Variants in LTBP1 observed in about 807,000 individuals in gnomAD.
LTBP1 encodes the protein latent transforming growth factor beta binding protein 1.
LTBP1 carries 129 observed loss-of-function variants against 207.6 expected under a neutral mutation model. The ratio of observed to expected loss-of-function variants is 0.62; its 90% confidence interval spans 0.54 to 0.72. The LOEUF (loss-of-function observed/expected upper bound fraction) is 0.72, where lower values mean the gene tolerates loss of function less well. Among genes scored for constraint, LTBP1 ranks in the 30% least tolerant of loss-of-function variants. The pLI, the probability that LTBP1 is intolerant of heterozygous loss-of-function variation, is 0.00. For missense variants in LTBP1, 2,281 were observed against 2,217.2 expected, an observed-to-expected ratio of 1.03 and a Z score of -0.58; for synonymous variants, 963 against 833.7, an observed-to-expected ratio of 1.16 and a Z score of -2.67.
chr2:33,219,234 A>C (rs1465890176), intron 8 of LTBP1, among the ~76,000 whole-genome samples: 1 of 152,144 alleles, frequency 6.6e-6, no homozygotes, highest in African/African-American at 2.4e-5. Flanking sequence ...AAATAAGGAC[A>C]TTTTCAGTAC....
At chr2:33,104,310 C>A (rs1282816943) in intron 3 of LTBP1, among the ~76,000 whole-genome samples, 2 of 152,124 alleles carry the variant, frequency 1.3e-5, no homozygotes, top group East Asian at 3.9e-4. Flanking sequence ...GATGGCCAGC[C>A]ACACCCCAGC....
intron 3 of LTBP1, among the ~76,000 whole-genome samples, chr2:33,072,899 C>T (rs1026794973): frequency 4.6e-5 from 7 of 152,168 alleles, no homozygotes; most frequent in East Asian, 1.9e-4. Flanking sequence ...GGTCTACCAC[C>T]ACTTCAGAGG....
intron 3 of LTBP1, among the ~76,000 whole-genome samples, chr2:33,090,416 A>G (rs2079012633): frequency 1.3e-5 from 2 of 152,070 alleles, no homozygotes; most frequent in African/African-American, 2.4e-5. Context: ...CGCTTGTGAC[A>G]TTGCTCTTAA....
intron 3 of LTBP1, among the ~76,000 whole-genome samples, chr2:33,088,440 A>C (rs2078881324): frequency 6.6e-6 from 1 of 152,092 alleles, no homozygotes; most frequent in Non-Finnish European, 1.5e-5. Flanking sequence ...CGACAGGGCG[A>C]GACTCCATCT....
At position 33,110,689 on chromosome 2, in the gene LTBP1, A is replaced by C. The variant is rs1361083976; in HGVS notation, c.971A>C (p.Gln324Pro). 2 of 1,614,218 alleles carry C rather than the reference A, an allele frequency of 1.2e-6. No homozygotes were observed. Among genetic ancestry groups the C allele is most frequent in the Admixed American group, 1.7e-5 (1 of 60,030 alleles). Reference protein sequence around the residue: ...FPAQKGISGEQSTEGSFPLRY... With the variant: ...FPAQKGISGEPSTEGSFPLRY... ...GCCCAGAAGGGGATTTCAGGAGAGCAGTCCACTGAAGGTTCTTTCCCTTTA... is the reference window on the plus strand; with the variant it reads ...GCCCAGAAGGGGATTTCAGGAGAGCCGTCCACTGAAGGTTCTTTCCCTTTA... The change falls in exon 4 of 34, where the codon CAG (glutamine) becomes CCG (proline). Residue 324 changes from glutamine (Q) to proline (P), a missense_variant. Physicochemically the swap from Gln to Pro is moderately conservative, Grantham distance 76. Coordinates refer to ENST00000404816, the MANE Select transcript of LTBP1 (RefSeq NM_206943.4).
chr2:32,978,372 T>A (rs989137972), intron 2 of LTBP1, among the ~76,000 whole-genome samples: 6 of 152,154 alleles, frequency 3.9e-5, no homozygotes, highest in Non-Finnish European at 8.8e-5. Context: ...TCAGGTATGT[T>A]TTTTTCTATA....
chr2:33,211,705 C>T lies in LTBP1; in HGVS notation c.1702-5847C>T, dbSNP rs551398532. On this transcript the variant is annotated intron_variant, in intron 7 of 33. Coordinates refer to ENST00000404816, the MANE Select transcript of LTBP1 (RefSeq NM_206943.4). ...ACTATAGGTACCAGCGATTTTAATACGTGAAAATTAAATCTTATAAAACCT... is the reference window on the plus strand; with the variant it reads ...ACTATAGGTACCAGCGATTTTAATATGTGAAAATTAAATCTTATAAAACCT... 7.5e-4 allele frequency among the ~76,000 whole-genome samples: 114 copies of T among 152,324 alleles called. 1 individual carries two copies. The highest frequency in any genetic ancestry group is 2.5e-3 in the African/African-American group (104 of 41,576).
chr2:33,377,226 G>T (rs2095151899), intron 31 of LTBP1, among the ~76,000 whole-genome samples: 1 of 152,196 alleles, frequency 6.6e-6, no homozygotes, highest in Admixed American at 6.5e-5. Context: ...CAAATCCCTG[G>T]ATTGCGGGTG....
chr2:33,189,190 T>TATTGATTG (rs77025991), intron 7 of LTBP1, among the ~76,000 whole-genome samples: 38 of 151,070 alleles, frequency 2.5e-4, no homozygotes, highest in African/African-American at 4.6e-4. Flanking sequence ...TTTATTTGTT[T>TATTGATTG]ATTGATTGAT....
intron 2 of LTBP1, among the ~76,000 whole-genome samples, chr2:33,016,358 A>G (rs1688374124): frequency 6.6e-6 from 1 of 152,156 alleles, no homozygotes; most frequent in Non-Finnish European, 1.5e-5. Flanking sequence ...AAAATGATTC[A>G]AAGAGTAGCG....
At chr2:33,205,789 A>T (rs918993741) in intron 7 of LTBP1, among the ~76,000 whole-genome samples, 1 of 152,140 alleles carries the variant, frequency 6.6e-6, no homozygotes, top group East Asian at 1.9e-4. Flanking sequence ...CTAAAAGGAG[A>T]TAACTAAGGT....
chr2:33,347,472 G>A lies in LTBP1; in HGVS notation c.3962G>A (p.Ser1321Asn). ...CVCADENQEY[S>N]PMTGQCRSRT... The stretch of plus-strand genomic sequence containing the variant: ...TGTGCTGATGAAAACCAAGAGTACA[G>A]CCCCATGACTGGGCAGTGCCGCTCC... Residue 1321 changes from serine (S) to asparagine (N), a missense_variant, in exon 26 of 34, where the codon AGC becomes AAC. Coordinates refer to ENST00000404816, the MANE Select transcript of LTBP1 (RefSeq NM_206943.4). 6.2e-7 allele frequency: 1 copy of A among 1,614,186 alleles called. No homozygotes were observed. The highest frequency in any genetic ancestry group is 8.5e-7 in the Non-Finnish European group (1 of 1,180,044).
intron 5 of LTBP1, among the ~76,000 whole-genome samples, chr2:33,172,996 T>G (rs1447849569): frequency 4.6e-5 from 7 of 151,730 alleles, no homozygotes; most frequent in Middle Eastern, 3.2e-3. Flanking sequence ...CTGGGACACA[T>G]TCAAAGCAGT....
In LTBP1 at chr2:33,021,055, G is replaced by T; in HGVS notation, c.712G>T (p.Ala238Ser). 6.2e-7 allele frequency: 1 copy of T among 1,614,080 alleles called. No homozygotes were observed. Among genetic ancestry groups the T allele is most frequent in the Non-Finnish European group, 8.5e-7 (1 of 1,180,018 alleles). The change falls in exon 3 of 34, where the codon GCT (alanine) becomes TCT (serine). Residue 238 changes from alanine (A) to serine (S), a missense_variant. Physicochemically the swap from Ala to Ser is moderately conservative, Grantham distance 99. Coordinates refer to ENST00000404816, the MANE Select transcript of LTBP1 (RefSeq NM_206943.4). Reference sequence around the variant, plus strand: ...AGTCTTTGGAGGGCAGAGTCCTGGGGCTGCTTCCTCGTGGGGCCCTCCTGA... The same window carrying T: ...AGTCTTTGGAGGGCAGAGTCCTGGGTCTGCTTCCTCGTGGGGCCCTCCTGA... ...SPVFGGQSPG[A>S]ASSWGPPEQA...
intron 7 of LTBP1, among the ~76,000 whole-genome samples, chr2:33,191,750 T>A (rs1237793347): frequency 4.6e-5 from 7 of 152,218 alleles, no homozygotes; most frequent in Non-Finnish European, 1.5e-5. Context: ...GGATAAATGC[T>A]CACTGTTGCT....
intron 3 of LTBP1, among the ~76,000 whole-genome samples, chr2:33,049,933 C>G (rs1300921980): frequency 1.3e-5 from 2 of 151,838 alleles, no homozygotes; most frequent in East Asian, 3.9e-4. Context: ...CCTGGGACTC[C>G]TGGGCTCAAG....
intron 18 of LTBP1, 132 bp from the exon 19 acceptor site, chr2:33,279,907 A>C: frequency 2.3e-6 from 2 of 869,186 alleles, no homozygotes; most frequent in Non-Finnish European, 3.6e-6. Flanking sequence ...CCAATGTCTC[A>C]CTTACCCAAT....
At chr2:33,238,237 C>T (rs1440433913) in intron 9 of LTBP1, among the ~76,000 whole-genome samples, 4 of 152,158 alleles carry the variant, frequency 2.6e-5, no homozygotes, top group Non-Finnish European at 4.4e-5. Context: ...CATATTTTCA[C>T]ACAGTAGAAA....
intron 2 of LTBP1, among the ~76,000 whole-genome samples, chr2:33,010,549 A>G (rs1687533530): frequency 6.6e-6 from 1 of 152,142 alleles, no homozygotes; most frequent in Non-Finnish European, 1.5e-5. Context: ...TAGAAATGAT[A>G]AATATTCGGG....
Sources: gnomAD v4.1 joint callset for allele counts (sites outside exome capture counted in the v4.1 genomes callset) on GRCh38, gnomAD v4.1.1 for gene constraint, MANE v1.5 for transcripts, NCBI Gene and HGNC (gene_info 2026-07-23, HGNC 2026-07-21) for gene names.